Variants in FRMPD4 observed in about 807,000 individuals in gnomAD.
FRMPD4 encodes the protein FERM and PDZ domain-containing protein 4.
A neutral mutation model predicts 94.1 loss-of-function variants in FRMPD4; 22 were observed. That is an observed-to-expected ratio of 0.23 (90% CI 0.17 to 0.33). The LOEUF is 0.33. Among genes scored for constraint, FRMPD4 ranks in the 10% least tolerant of loss-of-function variants. The probability of loss-of-function intolerance (pLI) is 1.00; values close to 1 mark genes in which losing one functional copy is unlikely to be tolerated. For missense variants in FRMPD4, 1,111 were observed against 1,339.9 expected (o/e 0.83, Z 2.67); for synonymous variants, 631 against 548.6 (o/e 1.15, Z -2.10).
At chrX:12,442,874 C>A (rs910747242) in intron 1 of FRMPD4, among the ~76,000 whole-genome samples, 2 of 111,615 alleles carry the variant, frequency 1.8e-5, no homozygotes, top group Admixed American at 1.9e-4. Flanking sequence ...TAGGATGTAT[C>A]CATACAATGG....
intron 1 of FRMPD4, among the ~76,000 whole-genome samples, chrX:12,188,736 C>A (rs994201323): frequency 1.8e-5 from 2 of 111,726 alleles, no homozygotes; most frequent in African/African-American, 6.5e-5. Context: ...TGTCTCTTTC[C>A]TGGTGTGTAG....
At chrX:12,686,298 A>G in intron 7 of FRMPD4, 94 bp downstream of exon 7, 1 of 465,132 alleles carries the variant, frequency 2.1e-6, no homozygotes, top group Non-Finnish European at 3.8e-6. Context: ...TTTCAGAACT[A>G]TCCCTTTATT....
At chrX:12,095,751 A>G (rs2055194575) in intron 3 of FRMPD4, among the ~76,000 whole-genome samples, 2 of 112,152 alleles carry the variant, frequency 1.8e-5, no homozygotes, top group Non-Finnish European at 3.8e-5. Flanking sequence ...ATGTCCCCCT[A>G]TGGGTCCTGA....
chrX:12,659,109 A>T (rs2059689316), intron 4 of FRMPD4, among the ~76,000 whole-genome samples: 1 of 112,087 alleles, frequency 8.9e-6, no homozygotes, highest in African/African-American at 3.2e-5. Context: ...CTTCCCTGGC[A>T]GGTTCCACCT....
chrX:12,226,285 A>G (rs376530753), intron 1 of FRMPD4, among the ~76,000 whole-genome samples: 3 of 110,900 alleles, frequency 2.7e-5, no homozygotes, highest in East Asian at 5.7e-4. Flanking sequence ...TCTGTTTTAA[A>G]TCACAGAAAG....
chrX:12,323,865 C>G (rs764142690), intron 1 of FRMPD4, among the ~76,000 whole-genome samples: 12 of 111,323 alleles, frequency 1.1e-4, no homozygotes, highest in African/African-American at 3.9e-4. Flanking sequence ...CAGGTCTGAG[C>G]CTTTGGGTTA....
intron 1 of FRMPD4, among the ~76,000 whole-genome samples, chrX:11,859,333 A>G (rs1461019746): frequency 8.9e-6 from 1 of 112,130 alleles, no homozygotes; most frequent in Non-Finnish European, 1.9e-5. Context: ...TTGAGACTTT[A>G]TTACACAGTG....
At chrX:12,715,997 A>G in intron 14 of FRMPD4, 72 bp from the exon 15 acceptor site, 1 of 387,117 alleles carries the variant, frequency 2.6e-6, no homozygotes. Flanking sequence ...AACAGAGACG[A>G]GCCTCCCACC....
intron 2 of FRMPD4, among the ~76,000 whole-genome samples, chrX:12,572,875 A>T (rs1322839148): frequency 8.9e-6 from 1 of 112,072 alleles, no homozygotes; most frequent in East Asian, 2.8e-4. Context: ...AGTCATGGGC[A>T]GGTGAGAGGA....
intron 1 of FRMPD4, among the ~76,000 whole-genome samples, chrX:12,342,983 G>A (rs958325147): frequency 8.9e-6 from 1 of 112,043 alleles, no homozygotes; most frequent in African/African-American, 3.3e-5. Flanking sequence ...GAGGCCATAA[G>A]TATAACTGTG....
intron 1 of FRMPD4, among the ~76,000 whole-genome samples, chrX:12,454,056 G>GT (rs1317048181): frequency 1.8e-5 from 2 of 112,289 alleles, no homozygotes; most frequent in Admixed American, 1.9e-4. Flanking sequence ...GTCCAGGGAA[G>GT]TTTTTTAAAA....
intron 6 of FRMPD4, among the ~76,000 whole-genome samples, chrX:12,685,426 G>A (rs1246576404): frequency 9.0e-6 from 1 of 111,691 alleles, no homozygotes; most frequent in East Asian, 2.8e-4. Context: ...CATTTCTATT[G>A]TTTGCTTTTT....
intron 1 of FRMPD4, among the ~76,000 whole-genome samples, chrX:12,377,786 T>C (rs778210007): frequency 2.7e-5 from 3 of 112,482 alleles, no homozygotes; most frequent in African/African-American, 9.7e-5. Flanking sequence ...GGCAGTGAAA[T>C]GTAAGCTAGC....
chrX:11,847,698 A>T (rs763342932), intron 1 of FRMPD4, among the ~76,000 whole-genome samples: 1 of 110,644 alleles, frequency 9.0e-6, no homozygotes, highest in Non-Finnish European at 1.9e-5. Context: ...AATACTATGT[A>T]GCCATAAAAA....
intron 3 of FRMPD4, among the ~76,000 whole-genome samples, chrX:12,005,303 T>C (rs1383877466): frequency 9.2e-6 from 1 of 108,175 alleles, no homozygotes; most frequent in Non-Finnish European, 1.9e-5. Context: ...TCTAATATGG[T>C]TCCACATGAT....
At chrX:12,663,394 T>C (rs1198246672) in intron 4 of FRMPD4, among the ~76,000 whole-genome samples, 2 of 111,380 alleles carry the variant, frequency 1.8e-5, no homozygotes, top group African/African-American at 3.3e-5. Flanking sequence ...AGGGGTATAG[T>C]TTCAGTTTTT....
chrX:12,021,596 T>C (rs2054632604), intron 3 of FRMPD4, among the ~76,000 whole-genome samples: 2 of 111,715 alleles, frequency 1.8e-5, no homozygotes, highest in African/African-American at 3.3e-5. Flanking sequence ...AAGCCTCCCC[T>C]GCCTGCTTCT....
chrX:11,871,557 A>G (rs1431623162), intron 2 of FRMPD4, among the ~76,000 whole-genome samples: 1 of 112,807 alleles, frequency 8.9e-6, no homozygotes, highest in Non-Finnish European at 1.9e-5. Flanking sequence ...TGTACTAACA[A>G]AATTCATTGT....
chrX:12,128,765 C>G (rs1284798072), intron 3 of FRMPD4, among the ~76,000 whole-genome samples: 2 of 112,262 alleles, frequency 1.8e-5, no homozygotes, highest in Admixed American at 9.4e-5. Flanking sequence ...GCACCCAAGT[C>G]ACCTCTTGAA....
Sources: allele counts gnomAD v4.1 joint callset (sites outside exome capture counted in the v4.1 genomes callset), GRCh38; gene constraint gnomAD v4.1.1; transcripts MANE v1.5; gene names NCBI Gene and HGNC (gene_info 2026-07-23, HGNC 2026-07-21).